The following PROC variants were observed in gnomAD, a reference collection of about 807,000 sequenced individuals.
PROC encodes vitamin K-dependent protein C.
PROC carries 22 observed loss-of-function variants against 36.3 expected under a neutral mutation model. The ratio of observed to expected loss-of-function variants is 0.61; its 90% CI spans 0.43 to 0.86. The LOEUF is 0.86. Ranked by LOEUF, PROC falls within the 40% of genes least tolerant of loss-of-function variation. The pLI is 0.00. For synonymous variants in PROC, 218 were observed against 244.5 expected (o/e 0.89, Z 1.01); for missense variants, 526 against 629.7 (o/e 0.84, Z 1.76).
rs147429475 is a variant in PROC at position 127,426,731 on chromosome 2, C to A, written c.679-374C>A. Among the ~76,000 whole-genome samples the A allele has an allele frequency of 2.0e-3, 307 of 152,238 alleles. 2 individuals carry two copies. Among genetic ancestry groups the A allele is most frequent in the African/African-American group, 7.1e-3 (295 of 41,536 alleles). ...CAGCCCAGTGGGACCACAGCCAGGA[C>A]GGCCCTTCAAGATAGGGGCTGAGGG... On this transcript the variant is annotated intron_variant, in intron 7 of 8. Coordinates refer to ENST00000234071, the MANE Select transcript of PROC (RefSeq NM_000312.4). This position sits in a 1 kb window ranked among gnomAD's most constrained non-coding sequence, Gnocchi z 7.0.
rs909874451 is a variant in PROC at position 127,427,281 on chromosome 2, A to C, written c.796+59A>C. 2.0e-6 allele frequency: 3 copies of C among 1,476,550 alleles called. No individual in the cohort carries two copies. The African/African-American group carries it at 4.2e-5, about 20-fold the overall frequency. The allele number at this position is 1,476,550 out of a possible 1,614,324, so 91.5% of individuals were successfully genotyped here. The stretch of plus-strand genomic sequence containing the variant: ...AGAGGCCTGGGTAGGGGGACCAGGC[A>C]GGCTGTTCAGGTTTGGGGGACCCCG... On this transcript the variant is annotated intron_variant, in intron 8 of 8. Transcript: ENST00000234071.
At chr2:127,428,254 T>C in intron 8 of PROC, 103 bp from the exon 9 acceptor site, 1 of 1,181,540 alleles carries the variant, frequency 8.5e-7, no homozygotes, top group South Asian at 1.3e-5. Flanking sequence ...CTTCAGGCCC[T>C]CTGCCCAGGC....
At chr2:127,427,345 C>T (rs1688576857) in intron 8 of PROC, 123 bp downstream of exon 8, 6 of 849,308 alleles carry the variant, frequency 7.1e-6, no homozygotes, top group Non-Finnish European at 7.6e-6. Flanking sequence ...TTGAGCTCCA[C>T]AGAAGGTGTT....
At chr2:127,422,083 T>C (rs2069937) in intron 3 of PROC, among the ~76,000 whole-genome samples, 326 of 152,192 alleles carry the variant, frequency 2.1e-3, no homozygotes, top group South Asian at 3.5e-3. Context: ...GACCTGAAAA[T>C]TGTGCACGGC....
rs749500010 is a variant in PROC at position 127,427,142 on chromosome 2, G to A, written c.716G>A (p.Gly239Glu). 1 of 1,613,888 alleles carries A rather than the reference G, an allele frequency of 6.2e-7. No homozygotes were observed. Among genetic ancestry groups the A allele is most frequent in the Non-Finnish European group, 8.5e-7 (1 of 1,179,992 alleles). ...GACTCAAAGAAGAAGCTGGCCTGCG[G>A]GGCAGTGCTCATCCACCCCTCCTGG... is the stretch of plus-strand genomic sequence containing the variant. ...LLDSKKKLAC[G>E]AVLIHPSWVL... The change falls in exon 8 of 9, where the codon GGG becomes GAG. Residue 239 changes from glycine to glutamate, a missense_variant. Transcript: ENST00000234071.
intron 6 of PROC, among the ~76,000 whole-genome samples, chr2:127,424,754 G>T (rs1422622595): frequency 6.6e-6 from 1 of 152,222 alleles, no homozygotes; most frequent in African/African-American, 2.4e-5. Context: ...AAGCTGCAAA[G>T]AAATGCCTGG....
chr2:127,426,819 C>G lies in PROC; in HGVS notation c.679-286C>G, dbSNP rs1463863810. ...AAAGTCTTCCTGGAAGACACAAGGC[C>G]TGGCCAAGCCTCTAAGGATGAGAGG... is the stretch of plus-strand genomic sequence containing the variant. On this transcript the variant is annotated intron_variant, in intron 7 of 8. Transcript: ENST00000234071. The surrounding 1 kb of genome is among the most constrained non-coding windows in gnomAD (Gnocchi z 7.0). Among the ~76,000 whole-genome samples the G allele has an allele frequency of 1.3e-5, 2 of 152,184 alleles. No homozygotes were observed. Among genetic ancestry groups the G allele is most frequent in the African/African-American group, 2.4e-5 (1 of 41,434 alleles).
chr2:127,426,662 C>T lies in PROC; in HGVS notation c.678+435C>T. 1 of 329,004 alleles carries T rather than the reference C, an allele frequency of 3.0e-6. No homozygotes were observed. Among genetic ancestry groups the T allele is most frequent in the East Asian group, 7.7e-5 (1 of 13,056 alleles). 20.4% of individuals were successfully genotyped at this position (329,004 alleles called of 1,614,324 possible). On this transcript the variant is annotated intron_variant, in intron 7 of 8. Coordinates refer to ENST00000234071, the MANE Select transcript of PROC (RefSeq NM_000312.4). This position sits in a 1 kb window ranked among gnomAD's most constrained non-coding sequence, Gnocchi z 7.0. ...GAACCAACAAGTGGGAGTATTTGCCCTGGGGACTCAGACTCTGCAAGGGTC... is the reference window on the plus strand; with the variant it reads ...GAACCAACAAGTGGGAGTATTTGCCTTGGGGACTCAGACTCTGCAAGGGTC...
Position 127,423,400 on chromosome 2 carries a change from ACCCCG to A in PROC, c.529_533del (p.Pro177SerfsTer36), listed in dbSNP as rs1238013991. ...CTGGGGGACGACCTCCTGCAGTGTC[ACCCCG>A]CAGGTGAGAAGCCCCCAATACATCG... On this transcript the variant is annotated frameshift_variant, in exon 6 of 9. Coordinates refer to ENST00000234071, the MANE Select transcript of PROC (RefSeq NM_000312.4). LOFTEE classifies it high-confidence loss of function. 1 of 1,549,714 alleles carries A rather than the reference ACCCCG, an allele frequency of 6.5e-7. No individual in the cohort carries two copies. Among genetic ancestry groups the A allele is most frequent in the East Asian group, 2.4e-5 (1 of 40,868 alleles).
At position 127,421,338 on chromosome 2, in the gene PROC, T is replaced by A. The variant is rs1459858777; in HGVS notation, c.126T>A (p.Arg42=). ...ACCAGGTGCTGCGGATCCGCAAACG[T>A]GCCAACTCCTTCCTGGAGGAGCTCC... ...RAHQVLRIRK[R]ANSFLEELRH... Residue 42 remains arginine (R), a synonymous_variant, in exon 3 of 9, where the codon CGT becomes CGA. Transcript: ENST00000234071. 2 of 1,613,738 alleles carry A rather than the reference T, an allele frequency of 1.2e-6. No individual in the cohort carries two copies. Among genetic ancestry groups the A allele is most frequent in the Non-Finnish European group, 1.7e-6 (2 of 1,179,904 alleles).
At position 127,423,118 on chromosome 2, in the gene PROC, G is replaced by A. The variant is rs777973120; in HGVS notation, c.347G>A (p.Gly116Asp). 1.9e-6 allele frequency: 3 copies of A among 1,607,954 alleles called. No individual in the cohort carries two copies. The South Asian group carries it at 3.3e-5, about 18-fold the overall frequency. ...CACGGCACGTGCATCGACGGCATCG[G>A]CAGCTTCAGCTGCGACTGCCGCAGC... ...CGHGTCIDGI[G>D]SFSCDCRSGW... is the part of the protein sequence containing the mutation. The change falls in exon 5 of 9, where the codon GGC becomes GAC. Residue 116 changes from glycine to aspartate, a missense_variant. Coordinates refer to ENST00000234071, the MANE Select transcript of PROC (RefSeq NM_000312.4).
chr2:127,426,063 T>C lies in PROC; in HGVS notation c.536-22T>C, dbSNP rs758437894. On this transcript the variant is annotated intron_variant, in intron 6 of 8. Transcript: ENST00000234071. The surrounding 1 kb of genome is among the most constrained non-coding windows in gnomAD (Gnocchi z 7.0). The stretch of plus-strand genomic sequence containing the variant: ...TCGGGAGGAGTGCCTGGCAGGCCCC[T>C]CACCACCTCTGCCTACCTCAGTGAA... The C allele has an allele frequency of 6.2e-7, 1 of 1,613,860 alleles. No individual in the cohort carries two copies.
chr2:127,424,689 A>T (rs995005150), intron 6 of PROC, among the ~76,000 whole-genome samples: 3 of 152,208 alleles, frequency 2.0e-5, no homozygotes, highest in African/African-American at 7.2e-5. Context: ...TAAAAAAAGT[A>T]AAAAAAGATC....
In PROC at chr2:127,423,080, C is replaced by A; in HGVS notation, c.309C>A (p.Ser103Arg). The change falls in exon 5 of 9, where the codon AGC becomes AGA. Residue 103 changes from serine (S) to arginine (R), a missense_variant. Ser to Arg is a moderately radical substitution (Grantham distance 110). Transcript: ENST00000234071. ...LVLPLEHPCA[S>R]LCCGHGTCID... ...TGCCCTTGGAGCACCCGTGCGCCAG[C>A]CTGTGCTGCGGGCACGGCACGTGCA... The A allele has an allele frequency of 6.2e-7, 1 of 1,611,956 alleles. No homozygotes were observed. The highest frequency in any genetic ancestry group is 8.5e-7 in the Non-Finnish European group (1 of 1,179,456).
Position 127,426,217 on chromosome 2 carries a change from G to A in PROC, c.668G>A (p.Ser223Asn). 1.2e-6 allele frequency: 2 copies of A among 1,614,020 alleles called. No homozygotes were observed. Among genetic ancestry groups the A allele is most frequent in the Non-Finnish European group, 1.7e-6 (2 of 1,180,032 alleles). The change falls in exon 7 of 9, where the codon AGC becomes AAC. Residue 223 changes from serine to asparagine, a missense_variant. Coordinates refer to ENST00000234071, the MANE Select transcript of PROC (RefSeq NM_000312.4). This position sits in a 1 kb window ranked among gnomAD's most constrained non-coding sequence, Gnocchi z 7.0. Reference protein sequence around the residue: ...IDGKMTRRGDSPWQVVLLDSK... With the variant: ...IDGKMTRRGDNPWQVVLLDSK... ...GGGAAGATGACCAGGCGGGGAGACA[G>A]CCCCTGGCAGGTGGGAGGCGAGGCA...
Position 127,426,054 on chromosome 2 carries a change from G to C in PROC, c.536-31G>C. 1.9e-6 allele frequency: 3 copies of C among 1,613,674 alleles called. No homozygotes were observed. Among genetic ancestry groups the C allele is most frequent in the Non-Finnish European group, 1.7e-6 (2 of 1,179,938 alleles). ...AGGGCAGTCTCGGGAGGAGTGCCTGGCAGGCCCCTCACCACCTCTGCCTAC... is the reference window on the plus strand; with the variant it reads ...AGGGCAGTCTCGGGAGGAGTGCCTGCCAGGCCCCTCACCACCTCTGCCTAC... On this transcript the variant is annotated intron_variant, in intron 6 of 8. Transcript: ENST00000234071. The surrounding 1 kb of genome is among the most constrained non-coding windows in gnomAD (Gnocchi z 7.0).
Position 127,418,668 on chromosome 2 carries a change from G to A in PROC, c.-22+176G>A, listed in dbSNP as rs1163931590. On this transcript the variant is annotated intron_variant, in intron 1 of 8. Transcript: ENST00000234071. This position sits in a 1 kb window ranked among gnomAD's most constrained non-coding sequence, Gnocchi z 4.8. Reference sequence around the variant, plus strand: ...GCCAGGCCTGGCAGCCACAGTCTCAGGTCCCTTTGCCATGCGCCTCCCTCT... The same window carrying A: ...GCCAGGCCTGGCAGCCACAGTCTCAAGTCCCTTTGCCATGCGCCTCCCTCT... Among the ~76,000 whole-genome samples, 3 of 152,194 alleles carry A rather than the reference G, an allele frequency of 2.0e-5. No homozygotes were observed. In the East Asian group the frequency reaches 5.8e-4, roughly 29 times the overall value.
chr2:127,427,337 GA>G (rs1052265089), intron 8 of PROC, 115 bp downstream of exon 8: 1 of 885,350 alleles, frequency 1.1e-6, no homozygotes, highest in African/African-American at 1.6e-5. Context: ...GAGGCTTCTT[GA>G]GCTCCACAGA....
chr2:127,422,418 G>T (rs1383056666), intron 3 of PROC, among the ~76,000 whole-genome samples: 1 of 152,230 alleles, frequency 6.6e-6, no homozygotes, highest in East Asian at 1.9e-4. Context: ...GGGCTGGGTG[G>T]TCCTGGACCA....
Sources: allele counts gnomAD v4.1 joint callset (sites outside exome capture counted in the v4.1 genomes callset), GRCh38; gene constraint gnomAD v4.1.1; non-coding constraint Gnocchi (gnomAD v3.1); transcripts MANE v1.5; gene names NCBI Gene and HGNC (gene_info 2026-07-23, HGNC 2026-07-21).